AKT1: variants seen among roughly 807,000 people sequenced by gnomAD.
AKT1 encodes RAC-alpha serine/threonine-protein kinase.
In AKT1, 21 loss-of-function variants were observed where a neutral mutation model predicts 63.1. The observed-to-expected ratio is 0.33, with a 90% CI of 0.24 to 0.48. AKT1 has a LOEUF of 0.48. Among genes scored for constraint, AKT1 ranks in the 20% least tolerant of loss-of-function variants. AKT1 has a pLI of 0.99. For synonymous variants in AKT1, 257 were observed against 253.1 expected, an observed-to-expected ratio of 1.02 and a Z score of -0.15; for missense variants, 382 against 666.0, an observed-to-expected ratio of 0.57 and a Z score of 4.69.
intron 6 of AKT1, 82 bp downstream of exon 6, chr14:104,775,570 C>T (rs748950500): frequency 4.0e-5 from 61 of 1,538,292 alleles, no homozygotes; most frequent in African/African-American, 6.8e-5. Flanking sequence ...TCTCCTGGGC[C>T]GAGCTGGGAC....
In AKT1 at chr14:104,770,249, A is replaced by G; in HGVS notation, c.*92T>C. 3 of 1,394,384 alleles carry G rather than the reference A, an allele frequency of 2.2e-6. No individual in the cohort carries two copies. Among genetic ancestry groups the G allele is most frequent in the Non-Finnish European group, 3.0e-6 (3 of 1,016,608 alleles). The allele number at this position is 1,394,384 out of a possible 1,614,324, so 86.4% of individuals were successfully genotyped here. A position where few individuals can be genotyped will look rare whatever the true frequency, so the allele number is the denominator to read the frequency against. On this transcript the variant is annotated 3_prime_UTR_variant, in exon 15 of 15. Transcript: ENST00000649815. ...GGACAGCGTGGCTTCTCTCAAATGCACCCGAGAAATAAAAACCATTAAATA... is the reference window on the plus strand; with the variant it reads ...GGACAGCGTGGCTTCTCTCAAATGCGCCCGAGAAATAAAAACCATTAAATA...
chr14:104,776,618 G>C (rs773224494), intron 5 of AKT1, 41 bp downstream of exon 5: 4 of 1,579,514 alleles, frequency 2.5e-6, no homozygotes, highest in Admixed American at 1.7e-5. Flanking sequence ...TAAGCGCTGG[G>C]GCTGCCCAAG....
intron 14 of AKT1, 90 bp from the exon 15 acceptor site, chr14:104,770,510 G>T: frequency 8.0e-7 from 1 of 1,254,432 alleles, no homozygotes; most frequent in Non-Finnish European, 1.1e-6. Flanking sequence ...ACCTCTTAAA[G>T]CACGGCCAGC....
At position 104,770,326 on chromosome 14, in the gene AKT1, C is replaced by G; in HGVS notation, c.*15G>C. 2 of 1,605,410 alleles carry G rather than the reference C, an allele frequency of 1.2e-6. No individual in the cohort carries two copies. The highest frequency in any genetic ancestry group is 1.7e-6 in the Non-Finnish European group (2 of 1,177,820). Reference sequence around the variant, plus strand: ...CATCCCTCCAAGCTATCGTCCAGCGCAGTCCACCGCCGCCTCAGGCCGTGC... The same window carrying G: ...CATCCCTCCAAGCTATCGTCCAGCGGAGTCCACCGCCGCCTCAGGCCGTGC... On this transcript the variant is annotated 3_prime_UTR_variant, in exon 15 of 15. Coordinates refer to ENST00000649815, the MANE Select transcript of AKT1 (RefSeq NM_001382430.1).
intron 4 of AKT1, 162 bp from the exon 5 acceptor site, chr14:104,776,932 G>A (rs1025478614): frequency 1.6e-6 from 1 of 608,584 alleles, no homozygotes; most frequent in Non-Finnish European, 2.9e-6. Flanking sequence ...TCGCCTCACA[G>A]AGTGGGGCTA....
chr14:104,777,528 C>T lies in AKT1; in HGVS notation c.176-758G>A, dbSNP rs542541637. ...CTGGGGCACACGCACACCTGGGGCACAGCCACACCTGGGGCACAAGCACAC... is the reference window on the plus strand; with the variant it reads ...CTGGGGCACACGCACACCTGGGGCATAGCCACACCTGGGGCACAAGCACAC... On this transcript the variant is annotated intron_variant, in intron 4 of 14. Transcript: ENST00000649815. The T allele has an allele frequency of 2.1e-5, 21 of 1,012,366 alleles. No individual in the cohort carries two copies. In the South Asian group the frequency reaches 5.5e-4, roughly 26 times the overall value. The allele number at this position is 1,012,366 out of a possible 1,614,324, so 62.7% of individuals were successfully genotyped here.
chr14:104,790,062 G>C (rs1893545571), intron 3 of AKT1, among the ~76,000 whole-genome samples: 1 of 152,116 alleles, frequency 6.6e-6, no homozygotes, highest in East Asian at 1.9e-4. Context: ...CTCACACACA[G>C]GGCATACCCG....
At position 104,772,419 on chromosome 14, in the gene AKT1, G is replaced by A. The variant is rs748654766; in HGVS notation, c.1206C>T (p.Ile402=). 24 of 1,613,618 alleles carry A rather than the reference G, an allele frequency of 1.5e-5. No individual in the cohort carries two copies. The highest frequency in any genetic ancestry group is 1.7e-5 in the Non-Finnish European group (20 of 1,180,058). The change falls in exon 13 of 15, where the codon ATC becomes ATT. Residue 402 remains isoleucine (I), a synonymous_variant. Coordinates refer to ENST00000649815, the MANE Select transcript of AKT1 (RefSeq NM_001382430.1). ...TACCGGCAAAGAAGCGATGCTGCAT[G>A]ATCTCCTTGGCGTCCTCGGAGCCCC... ...LGGGSEDAKE[I]MQHRFFAGIV...
chr14:104,770,465 C>A, intron 14 of AKT1, 45 bp from the exon 15 acceptor site: 1 of 1,504,900 alleles, frequency 6.6e-7, no homozygotes, highest in Non-Finnish European at 9.0e-7. Flanking sequence ...ACCTCCCTGC[C>A]ACCTCCACCC....
rs1646940643 is a variant in AKT1, at chr14:104,769,941, AGATGACAGATAGCT to A, written c.*386_*399del. On this transcript the variant is annotated 3_prime_UTR_variant, in exon 15 of 15. Transcript: ENST00000649815. ...TGAACTGAGGCCCAGGGCCCCAGAG[AGATGACAGATAGCT>A]GGTGACAGACAGCCCAGGGCGGCTG... 5 of 411,482 alleles carry A rather than the reference AGATGACAGATAGCT, an allele frequency of 1.2e-5. No homozygotes were observed. Among genetic ancestry groups the A allele is most frequent in the Non-Finnish European group, 2.3e-5 (5 of 221,898 alleles). The allele number at this position is 411,482 out of a possible 1,614,324, so 25.5% of individuals were successfully genotyped here. A position where few individuals can be genotyped will look rare whatever the true frequency, so the allele number is the denominator to read the frequency against.
At chr14:104,771,682 T>G in intron 13 of AKT1, 2 of 235,212 alleles carry the variant, frequency 8.5e-6, no homozygotes, top group Non-Finnish European at 1.7e-5. Context: ...AGGACAGGCA[T>G]TCAGGGGAGG....
chr14:104,794,395 C>CA (rs1168569389), intron 1 of AKT1: 1 of 152,302 alleles, frequency 6.6e-6, no homozygotes, highest in African/African-American at 2.4e-5. Context: ...CATCTGTGCT[C>CA]ACACAGGGTG....
In AKT1 at chr14:104,780,047, C is replaced by T. The variant is rs17846818; in HGVS notation, c.175+41G>A. 4.3e-5 allele frequency: 69 copies of T among 1,600,602 alleles called. No homozygotes were observed. In the East Asian group the frequency reaches 1.5e-3, roughly 34 times the overall value. On this transcript the variant is annotated intron_variant, in intron 4 of 14. Transcript: ENST00000649815. ...GGTGGGCAAAGAGGGCTCCAGCCAA[C>T]CCCCCAAATCTGAATCCCGAGAGGC...
In AKT1 at chr14:104,773,100, G is replaced by A. The variant is rs748884296; in HGVS notation, c.958-8C>T. The A allele has an allele frequency of 5.0e-6, 8 of 1,613,668 alleles. No individual in the cohort carries two copies. The highest frequency in any genetic ancestry group is 6.8e-6 in the Non-Finnish European group (8 of 1,179,792). ...GTCATTGTCCTCCAGCACCTGCACG[G>A]GTGGCAGATGGGCAGGACTCGGCAT... is the stretch of plus-strand genomic sequence containing the variant. On this transcript the variant is annotated splice_region_variant and splice_polypyrimidine_tract_variant and intron_variant, in intron 11 of 14. Transcript: ENST00000649815.
intron 8 of AKT1, 77 bp from the exon 9 acceptor site, chr14:104,774,057 TGCTTGATACCACGTC>T (rs1284167565): frequency 7.1e-7 from 1 of 1,405,180 alleles, no homozygotes; most frequent in African/African-American, 1.4e-5. Context: ...GACACCACGC[TGCTTGATACCACGTC>T]GCCTGATACC....
intron 3 of AKT1, among the ~76,000 whole-genome samples, chr14:104,780,713 G>GCCCCCCCCCCCCCCCCCCCCC: frequency 1.3e-5 from 2 of 150,828 alleles, no homozygotes; most frequent in South Asian, 2.1e-4. Context: ...CAGCATGGCC[G>GCCCCCCCCCCCCCCCCCCCCC]CCCCCCCCGC....
intron 3 of AKT1, among the ~76,000 whole-genome samples, chr14:104,787,605 G>T (rs549932782): frequency 1.9e-3 from 291 of 152,354 alleles, no homozygotes; most frequent in African/African-American, 6.3e-3. Context: ...TAGGAACCCG[G>T]CCTGATGCAA....
In AKT1 at chr14:104,772,213, G is replaced by A; in HGVS notation, c.1260+152C>T. Reference sequence around the variant, plus strand: ...CCTCTGAGCACCAGGCGCTGAGGTTGGTGCAGCAAGGCCCTCCTTGTACCA... The same window carrying A: ...CCTCTGAGCACCAGGCGCTGAGGTTAGTGCAGCAAGGCCCTCCTTGTACCA... On this transcript the variant is annotated intron_variant, in intron 13 of 14. Transcript: ENST00000649815. The A allele has an allele frequency of 3.7e-6, 3 of 804,026 alleles. No individual in the cohort carries two copies. In the South Asian group the frequency reaches 4.7e-5, roughly 13 times the overall value. The allele number at this position is 804,026 out of a possible 1,614,324, so 49.8% of individuals were successfully genotyped here.
At chr14:104,772,134 G>A in intron 13 of AKT1, 1 of 595,016 alleles carries the variant, frequency 1.7e-6, no homozygotes, top group Non-Finnish European at 3.0e-6. Context: ...CCTCCGAGGG[G>A]AGGAGGAAAT....
Sources: gnomAD v4.1 joint callset for allele counts (sites outside exome capture counted in the v4.1 genomes callset) on GRCh38, gnomAD v4.1.1 for gene constraint, MANE v1.5 for transcripts, NCBI Gene and HGNC (gene_info 2026-07-23, HGNC 2026-07-21) for gene names.